NR2C2: variants seen among roughly 807,000 people sequenced by gnomAD.
The protein encoded by NR2C2 is nuclear receptor subfamily 2 group C member 2, also known as Nuclear hormone receptor TR4.
NR2C2 carries 6 observed loss-of-function variants against 62.9 expected under a neutral mutation model. The ratio of observed to expected loss-of-function variants is 0.10; its 90% confidence interval spans 0.05 to 0.19. The LOEUF is 0.19. Ranked by LOEUF, NR2C2 falls within the 10% of genes least tolerant of loss-of-function variation. NR2C2 has a pLI of 1.00. For missense variants in NR2C2, 479 were observed against 762.7 expected, an observed-to-expected ratio of 0.63 and a Z score of 4.38; for synonymous variants, 272 against 273.8, an observed-to-expected ratio of 0.99 and a Z score of 0.07.
At chr3:14,968,989 G>T (rs1343684749) in intron 1 of NR2C2, among the ~76,000 whole-genome samples, 3 of 130,218 alleles carry the variant, frequency 2.3e-5, no homozygotes, top group Non-Finnish European at 4.8e-5. Flanking sequence ...ACTGTTGTGG[G>T]GTGGGGGGAG....
chr3:14,957,754 C>T (rs569042979), intron 1 of NR2C2, among the ~76,000 whole-genome samples: 2 of 152,234 alleles, frequency 1.3e-5, no homozygotes, highest in East Asian at 1.9e-4. Context: ...TCCTAACTGG[C>T]CTCCCATCTA....
At chr3:15,036,187 C>T (rs980304675) in intron 11 of NR2C2, among the ~76,000 whole-genome samples, 9 of 151,744 alleles carry the variant, frequency 5.9e-5, no homozygotes, top group African/African-American at 2.2e-4. Flanking sequence ...GAAACTATTT[C>T]AAAACAAAAA....
intron 1 of NR2C2, among the ~76,000 whole-genome samples, chr3:14,981,839 G>T (rs1248676591): frequency 1.3e-5 from 2 of 152,116 alleles, no homozygotes; most frequent in African/African-American, 4.8e-5. Flanking sequence ...ATGTTCGAGG[G>T]CAGGAAGCAT....
At chr3:14,974,759 A>G (rs970820462) in intron 1 of NR2C2, among the ~76,000 whole-genome samples, 12 of 152,098 alleles carry the variant, frequency 7.9e-5, no homozygotes, top group Admixed American at 3.3e-4. Context: ...ATGTGCCACC[A>G]TGCCCGGCTA....
In NR2C2 at chr3:15,007,922, A is replaced by G. The variant is rs570760399; in HGVS notation, c.72+3936A>G. On this transcript the variant is annotated intron_variant, in intron 2 of 13. Coordinates refer to ENST00000425241, the MANE Select transcript of NR2C2 (RefSeq NM_001291694.2). The stretch of plus-strand genomic sequence containing the variant: ...GCTCAAGGGCTTATGTAACTGCTCC[A>G]AGTTGACACAGCTGGGAAGTAGAAG... 1.7e-4 allele frequency among the ~76,000 whole-genome samples: 26 copies of G among 152,362 alleles called. No homozygotes were observed. The South Asian group carries it at 5.2e-3, about 30-fold the overall frequency.
At chr3:14,983,155 T>G (rs2040420759) in intron 1 of NR2C2, among the ~76,000 whole-genome samples, 1 of 152,192 alleles carries the variant, frequency 6.6e-6, no homozygotes, top group Non-Finnish European at 1.5e-5. Context: ...AATGTACAAC[T>G]TATTGCGGAC....
chr3:14,992,364 C>T lies in NR2C2; in HGVS notation c.-39-11512C>T, dbSNP rs150859571. On this transcript the variant is annotated intron_variant, in intron 1 of 13. Transcript: ENST00000425241. ...TGCCAGGGCAGGTGTTGTGCTGTAC[C>T]TCCAGGGTGTGTAATTAGCAGACAG... Among the ~76,000 whole-genome samples the T allele has an allele frequency of 4.4e-3, 672 of 152,108 alleles. 1 individual carries two copies. Among genetic ancestry groups the T allele is most frequent in the African/African-American group, 0.015 (642 of 41,500 alleles).
At chr3:14,975,983 G>C (rs760027189) in intron 1 of NR2C2, among the ~76,000 whole-genome samples, 2 of 151,694 alleles carry the variant, frequency 1.3e-5, no homozygotes, top group Non-Finnish European at 2.9e-5. Context: ...CATGTTGCCC[G>C]GGCTGACCTC....
chr3:15,036,403 C>T (rs542486431), intron 11 of NR2C2, among the ~76,000 whole-genome samples: 1 of 152,316 alleles, frequency 6.6e-6, no homozygotes, highest in East Asian at 1.9e-4. Context: ...AGCATGTCTG[C>T]AACACTCTGA....
At chr3:15,008,043 G>T (rs889368131) in intron 2 of NR2C2, among the ~76,000 whole-genome samples, 1 of 152,008 alleles carries the variant, frequency 6.6e-6, no homozygotes, top group South Asian at 2.1e-4. Context: ...AACTGGAGAG[G>T]CTACCTCATC....
chr3:15,021,339 T>G lies in NR2C2; in HGVS notation c.556+407T>G, dbSNP rs536140651. Reference sequence around the variant, plus strand: ...CTTACTTATATATTGCTCCTGAGGATTACATGAGCCTACTCCCTGTCTTCT... The same window carrying G: ...CTTACTTATATATTGCTCCTGAGGAGTACATGAGCCTACTCCCTGTCTTCT... On this transcript the variant is annotated intron_variant, in intron 5 of 13. Transcript: ENST00000425241. Among the ~76,000 whole-genome samples the G allele has an allele frequency of 1.8e-3, 278 of 152,306 alleles. 1 individual carries two copies. The highest frequency in any genetic ancestry group is 3.4e-3 in the Non-Finnish European group (233 of 68,020).
intron 1 of NR2C2, among the ~76,000 whole-genome samples, chr3:14,965,220 G>T (rs1422101243): frequency 6.6e-6 from 1 of 152,262 alleles, no homozygotes; most frequent in East Asian, 1.9e-4. Context: ...TTTTGTGATA[G>T]GAATAATTAC....
At chr3:15,009,205 A>G (rs2124963332) in intron 2 of NR2C2, among the ~76,000 whole-genome samples, 3 of 152,334 alleles carry the variant, frequency 2.0e-5, no homozygotes, top group Middle Eastern at 3.4e-3. Flanking sequence ...CTGGGCAACA[A>G]GAGCGAAACT....
At chr3:15,008,938 TGGTC>T (rs1158104504) in intron 2 of NR2C2, among the ~76,000 whole-genome samples, 2 of 152,226 alleles carry the variant, frequency 1.3e-5, no homozygotes, top group East Asian at 3.9e-4. Flanking sequence ...ATATGGTACT[TGGTC>T]GGGCGCGGCG....
chr3:15,040,175 A>C (rs182080529), intron 13 of NR2C2, among the ~76,000 whole-genome samples: 376 of 152,076 alleles, frequency 2.5e-3, no homozygotes, highest in Non-Finnish European at 3.8e-3. Flanking sequence ...ACAAAAAAAA[A>C]AACAACAAAA....
intron 1 of NR2C2, among the ~76,000 whole-genome samples, chr3:14,985,029 A>G (rs1440968746): frequency 6.6e-6 from 1 of 152,124 alleles, no homozygotes; most frequent in East Asian, 1.9e-4. Context: ...TTCTCTGATG[A>G]CTAATAATGT....
rs1419046615 is a variant in NR2C2, at chr3:15,048,910, C to T, written c.*5902C>T. The T allele has an allele frequency of 1.3e-5, 2 of 152,604 alleles. No individual in the cohort carries two copies. The highest frequency in any genetic ancestry group is 2.9e-5 in the Non-Finnish European group (2 of 68,030). The allele number at this position is 152,604 out of a possible 1,614,324, so 9.5% of individuals were successfully genotyped here. On this transcript the variant is annotated 3_prime_UTR_variant, in exon 14 of 14. Transcript: ENST00000425241. ...TTTGGGTGTTAGATTTTCTTGGGAC[C>T]GTTTCTGTAACCTTTGCCCTTCACA...
At chr3:14,979,649 A>T (rs2040307721) in intron 1 of NR2C2, among the ~76,000 whole-genome samples, 1 of 151,926 alleles carries the variant, frequency 6.6e-6, no homozygotes, top group Admixed American at 6.6e-5. Flanking sequence ...GGGGTTACAG[A>T]GGTGGGGAAC....
Position 15,048,065 on chromosome 3 carries a change from T to A in NR2C2, c.*5057T>A, listed in dbSNP as rs2042518804. ...GGCCTGCTGGAAGGAATCACTAGAT[T>A]GCTGCAAAAACTCACATAATCCACA... On this transcript the variant is annotated 3_prime_UTR_variant, in exon 14 of 14. Coordinates refer to ENST00000425241, the MANE Select transcript of NR2C2 (RefSeq NM_001291694.2). 1 of 152,670 alleles carries A rather than the reference T, an allele frequency of 6.6e-6. No individual in the cohort carries two copies. Among genetic ancestry groups the A allele is most frequent in the South Asian group, 2.1e-4 (1 of 4,828 alleles). 9.5% of individuals were successfully genotyped at this position (152,670 alleles called of 1,614,324 possible).
Sources: allele counts gnomAD v4.1 joint callset (sites outside exome capture counted in the v4.1 genomes callset), GRCh38; gene constraint gnomAD v4.1.1; transcripts MANE v1.5; gene names NCBI Gene and HGNC (gene_info 2026-07-23, HGNC 2026-07-21).